Variants in MYO16 observed in about 807,000 individuals in gnomAD.
The protein encoded by MYO16 is unconventional myosin-XVI.
MYO16 carries 94 observed loss-of-function variants against 205.3 expected under a neutral mutation model. That is an observed-to-expected ratio of 0.46 (90% CI 0.39 to 0.54). MYO16 has a LOEUF of 0.54. MYO16 is among the 20% of genes least tolerant of loss of function. MYO16 has a pLI of 0.00. For missense variants in MYO16, 2,315 were observed against 2,387.5 expected, an observed-to-expected ratio of 0.97 and a Z score of 0.63; for synonymous variants, 988 against 954.0, an observed-to-expected ratio of 1.04 and a Z score of -0.66.
At position 108,664,096 on chromosome 13, in the gene MYO16, G is replaced by A. The variant is rs76843444; in HGVS notation, c.29-1790G>A. On this transcript the variant is annotated intron_variant, in intron 1 of 34. Transcript: ENST00000457511. ...TTCAGAACCACTGTTGTCTATTTGC[G>A]TTTAGGTTACTGGACAGGGAATATT... 6.5e-3 allele frequency among the ~76,000 whole-genome samples: 992 copies of A among 152,240 alleles called. 12 individuals are homozygous for A. The highest frequency in any genetic ancestry group is 0.061 in the South Asian group (296 of 4,814).
In MYO16 at chr13:109,019,809, C is replaced by T. The variant is rs779757535; in HGVS notation, c.2694C>T (p.Ser898=). 6.2e-7 allele frequency: 1 copy of T among 1,614,054 alleles called. No homozygotes were observed. The highest frequency in any genetic ancestry group is 1.1e-5 in the South Asian group (1 of 91,080). Residue 898 remains serine, a synonymous_variant, in exon 23 of 35, where the codon TCC becomes TCT. Coordinates refer to ENST00000457511, the MANE Select transcript of MYO16 (RefSeq NM_001198950.3). ...FPKKLQSLLE[S]SNTNAVYSPM... is the part of the protein sequence containing the mutation. ...AAAAACTACAAAGTCTCCTAGAATCCTCAAACACAAATGCGGTGTACTCCC... is the reference window on the plus strand; with the variant it reads ...AAAAACTACAAAGTCTCCTAGAATCTTCAAACACAAATGCGGTGTACTCCC...
Position 109,140,567 on chromosome 13 carries a change from C to T in MYO16, c.4355C>T (p.Ser1452Phe). The change falls in exon 32 of 35, where the codon TCC (serine) becomes TTC (phenylalanine). Residue 1452 changes from serine (S) to phenylalanine (F), a missense_variant. Transcript: ENST00000457511. The surrounding 1 kb of genome is among the most constrained non-coding windows in gnomAD (Gnocchi z 8.0). ...CCCGATAGCCCGGACCCCGGGGAGT[C>T]CGTGTACGAGGAGATGAAGTGTTGC... is the stretch of plus-strand genomic sequence containing the variant. ...ARPDSPDPGE[S>F]VYEEMKCCLP... 1 of 1,537,846 alleles carries T rather than the reference C, an allele frequency of 6.5e-7. No individual in the cohort carries two copies.
At chr13:108,711,638 A>G (rs1883727607) in intron 2 of MYO16, among the ~76,000 whole-genome samples, 1 of 152,220 alleles carries the variant, frequency 6.6e-6, no homozygotes, top group African/African-American at 2.4e-5. Flanking sequence ...TGTGATATGC[A>G]GTGAGATTTG....
At chr13:108,589,194 G>C in the MYO16 span, among the ~76,000 whole-genome samples, 6 of 152,146 alleles carry the variant, frequency 3.9e-5, no homozygotes, top group Non-Finnish European at 5.9e-5. Context: ...AAGGGCCCTG[G>C]TTTGGATGAT....
At chr13:109,065,905 C>T (rs1887733670) in intron 27 of MYO16, among the ~76,000 whole-genome samples, 1 of 152,132 alleles carries the variant, frequency 6.6e-6, no homozygotes, top group Non-Finnish European at 1.5e-5. Context: ...ATGAGGAGAA[C>T]TTATTTGGAA....
chr13:108,872,046 T>A (rs1879094154), intron 12 of MYO16, among the ~76,000 whole-genome samples: 1 of 152,238 alleles, frequency 6.6e-6, no homozygotes, highest in African/African-American at 2.4e-5. Flanking sequence ...CTCAGATACC[T>A]AGATTAGTTT....
chr13:108,991,127 C>A (rs985874732), intron 20 of MYO16, among the ~76,000 whole-genome samples: 4 of 152,208 alleles, frequency 2.6e-5, no homozygotes, highest in Non-Finnish European at 4.4e-5. Flanking sequence ...GTACGTGCCC[C>A]TCCCAGAAAT....
At chr13:108,805,541 T>G (rs74683571) in intron 6 of MYO16, among the ~76,000 whole-genome samples, 9,687 of 152,184 alleles carry the variant, frequency 0.064, 346 homozygotes, top group African/African-American at 0.1. Context: ...TTGATTTTAC[T>G]ACTTTTAAGG....
intron 28 of MYO16, among the ~76,000 whole-genome samples, chr13:109,107,919 T>C (rs1889170460): frequency 6.6e-6 from 1 of 151,344 alleles, no homozygotes; most frequent in African/African-American, 2.4e-5. Flanking sequence ...GCCATATACA[T>C]ATATGACACA....
In MYO16 at chr13:108,602,003, G is replaced by T. The variant is rs144100188; in HGVS notation, c.-39+5764G>T. Among the ~76,000 whole-genome samples, 54 of 151,262 alleles carry T rather than the reference G, an allele frequency of 3.6e-4. 3 individuals are homozygous for T. The highest frequency in any genetic ancestry group is 1.1e-3 in the Admixed American group (16 of 15,114). On this transcript the variant is annotated intron_variant, in intron 1 of 24. Transcript: ENST00000251041. ...GGAGGCTGGGCCACGGGGTGGTGAG[G>T]AAGTCATAATGGTGGGGCCCTCATG...
the MYO16 span, among the ~76,000 whole-genome samples, chr13:108,503,918 T>C: frequency 6.6e-6 from 1 of 152,122 alleles, no homozygotes; most frequent in Non-Finnish European, 1.5e-5. Context: ...TGTGGACTAA[T>C]TAATTTCCAG....
At chr13:108,966,581 CT>C (rs1287172194) in intron 20 of MYO16, among the ~76,000 whole-genome samples, 10 of 152,124 alleles carry the variant, frequency 6.6e-5, no homozygotes, top group African/African-American at 2.4e-4. Flanking sequence ...ATGGTCTTAT[CT>C]TTTAAAACTT....
chr13:108,584,460 C>T, the MYO16 span, among the ~76,000 whole-genome samples: 1 of 152,128 alleles, frequency 6.6e-6, no homozygotes, highest in Non-Finnish European at 1.5e-5. Context: ...AAACATTTAT[C>T]TTTCTTTGTG....
intron 31 of MYO16, among the ~76,000 whole-genome samples, chr13:109,132,652 G>C (rs1876593857): frequency 6.6e-6 from 1 of 152,194 alleles, no homozygotes; most frequent in Non-Finnish European, 1.5e-5. Flanking sequence ...GTCAAGGCTA[G>C]ATTTGTCTGC....
At chr13:109,191,082 C>T (rs191444786) in intron 34 of MYO16, among the ~76,000 whole-genome samples, 261 of 151,810 alleles carry the variant, frequency 1.7e-3, no homozygotes, top group Middle Eastern at 6.8e-3. Context: ...AGCCGGGCAT[C>T]GTGGCAGGCG....
chr13:109,072,853 C>G (rs1053090237), intron 27 of MYO16, among the ~76,000 whole-genome samples: 1 of 152,038 alleles, frequency 6.6e-6, no homozygotes, highest in Non-Finnish European at 1.5e-5. Context: ...TGAAGCATTC[C>G]TCACTCCTTT....
At chr13:109,147,355 C>G (rs1298168248) in intron 32 of MYO16, among the ~76,000 whole-genome samples, 1 of 152,142 alleles carries the variant, frequency 6.6e-6, no homozygotes, top group Non-Finnish European at 1.5e-5. Flanking sequence ...TTTACAATGA[C>G]TCAAATGCCC....
At chr13:108,746,085 C>T (rs954495688) in intron 4 of MYO16, among the ~76,000 whole-genome samples, 6 of 151,782 alleles carry the variant, frequency 4.0e-5, no homozygotes, top group African/African-American at 7.3e-5. Flanking sequence ...CCCAGCTACT[C>T]GGGAGGCTGA....
chr13:108,743,608 G>A (rs1443408858), intron 4 of MYO16, among the ~76,000 whole-genome samples: 3 of 152,148 alleles, frequency 2.0e-5, no homozygotes, highest in African/African-American at 7.2e-5. Flanking sequence ...ACTGGAAATT[G>A]CAGGGAACAT....
Sources: allele counts gnomAD v4.1 joint callset (sites outside exome capture counted in the v4.1 genomes callset), GRCh38; gene constraint gnomAD v4.1.1; non-coding constraint Gnocchi (gnomAD v3.1); transcripts MANE v1.5; gene names NCBI Gene and HGNC (gene_info 2026-07-23, HGNC 2026-07-21).